Variants in CEP44 observed in about 807,000 individuals in gnomAD.
CEP44 encodes the protein centrosomal protein of 44 kDa.
In CEP44, 45 loss-of-function variants were observed where a neutral mutation model predicts 46.7. The observed-to-expected ratio is 0.96, with a 90% confidence interval of 0.76 to 1.24. The LOEUF is 1.24. Among genes scored for constraint, CEP44 ranks in the 50% most tolerant of loss-of-function variants. CEP44 has a pLI of 0.00. For missense variants in CEP44, 475 were observed against 459.7 expected (o/e 1.03, Z -0.30); for synonymous variants, 142 against 146.0 (o/e 0.97, Z 0.20).
At chr4:174,304,020 C>A (rs368145251) in intron 5 of CEP44, among the ~76,000 whole-genome samples, 171 bp downstream of exon 5, 6 of 152,122 alleles carry the variant, frequency 3.9e-5, no homozygotes, top group African/African-American at 1.4e-4. Context: ...AAATACTACT[C>A]TCTTGTTTTA....
At chr4:174,299,011 G>T in intron 2 of CEP44, 61 bp from the exon 3 acceptor site, 1 of 923,634 alleles carries the variant, frequency 1.1e-6, no homozygotes, top group Non-Finnish European at 1.6e-6. Flanking sequence ...GACCAAAATA[G>T]AATCAAGAAG....
At chr4:174,308,377 C>A (rs1159923587) in intron 6 of CEP44, among the ~76,000 whole-genome samples, 4 of 152,088 alleles carry the variant, frequency 2.6e-5, no homozygotes, top group African/African-American at 7.2e-5. Context: ...AATGCAGAAA[C>A]AGAAAACCAA....
chr4:174,317,376 A>G lies in CEP44; in HGVS notation c.1166A>G (p.Tyr389Cys), dbSNP rs755965843. The G allele has an allele frequency of 1.4e-6, 2 of 1,420,608 alleles. No individual in the cohort carries two copies. The highest frequency in any genetic ancestry group is 1.8e-5 in the South Asian group (1 of 54,934). 88.0% of individuals were successfully genotyped at this position (1,420,608 alleles called of 1,614,324 possible). A position where few individuals can be genotyped will look rare whatever the true frequency, so the allele number is the denominator to read the frequency against. The change falls in exon 12 of 12, where the codon TAC (tyrosine) becomes TGC (cysteine). Residue 389 changes from tyrosine to cysteine, a missense_variant. Coordinates refer to ENST00000503780, the MANE Select transcript of CEP44 (RefSeq NM_001040157.3). The stretch of plus-strand genomic sequence containing the variant: ...GAGTTACTGAAATGTCCAAATCACT[A>G]CTTGTAGGATTTTCTACATGAACTT... ...TAELLKCPNHYL is the reference protein window; with the variant it reads ...TAELLKCPNHCL
intron 6 of CEP44, among the ~76,000 whole-genome samples, chr4:174,306,285 T>C (rs2126613003): frequency 6.6e-6 from 1 of 152,266 alleles, no homozygotes; most frequent in African/African-American, 2.4e-5. Context: ...GTCTAATAAA[T>C]TGCAGTTTGT....
intron 1 of CEP44, among the ~76,000 whole-genome samples, chr4:174,294,751 G>A (rs1738683742): frequency 1.4e-5 from 2 of 142,516 alleles, no homozygotes; most frequent in African/African-American, 5.0e-5. Flanking sequence ...CTGCTGGGCG[G>A]GGGGCTGACC....
chr4:174,286,581 T>G lies in CEP44; in HGVS notation c.-148+2638T>G, dbSNP rs1382964106. ...TTATGTAAGTTATTGAGTTTCACGT[T>G]ACTGGCTGACTAGACTTTTATAGTT... On this transcript the variant is annotated intron_variant, in intron 1 of 11. Coordinates refer to ENST00000503780, the MANE Select transcript of CEP44 (RefSeq NM_001040157.3). This position sits in a 1 kb window ranked among gnomAD's most constrained non-coding sequence, Gnocchi z 5.2. Among the ~76,000 whole-genome samples the G allele has an allele frequency of 6.6e-6, 1 of 152,224 alleles. No individual in the cohort carries two copies. The highest frequency in any genetic ancestry group is 2.4e-5 in the African/African-American group (1 of 41,462).
rs893098543 is a variant in CEP44, at chr4:174,320,125, A to G, written c.*2742A>G. ...CTGAATAGGTCTCGGTAAAGATTATATGGAAATACTATAAAGAATACATAA... is the reference window on the plus strand; with the variant it reads ...CTGAATAGGTCTCGGTAAAGATTATGTGGAAATACTATAAAGAATACATAA... On this transcript the variant is annotated 3_prime_UTR_variant, in exon 12 of 12. Coordinates refer to ENST00000503780, the MANE Select transcript of CEP44 (RefSeq NM_001040157.3). 2.0e-6 allele frequency: 2 copies of G among 985,310 alleles called. No individual in the cohort carries two copies. The allele number at this position is 985,310 out of a possible 1,614,324, so 61.0% of individuals were successfully genotyped here.
Position 174,331,846 on chromosome 4 carries a change from T to C in CEP44, c.*251T>C, listed in dbSNP as rs1731336505. The stretch of plus-strand genomic sequence containing the variant: ...GATAGCCCCTCACTCATATTTTTCA[T>C]GTGGGTTTATAGCTTTCATATTTCT... On this transcript the variant is annotated 3_prime_UTR_variant, in exon 9 of 9. Transcript: ENST00000426172. This position sits in a 1 kb window ranked among gnomAD's most constrained non-coding sequence, Gnocchi z 4.5. 1 of 402,108 alleles carries C rather than the reference T, an allele frequency of 2.5e-6. No individual in the cohort carries two copies. The allele number at this position is 402,108 out of a possible 1,614,324, so 24.9% of individuals were successfully genotyped here.
chr4:174,316,387 C>T lies in CEP44; in HGVS notation c.1086+97C>T, dbSNP rs377569081. ...TTGCTAGCAAGAAAAATAGCAAACG[C>T]GAATCTTAGTCTCTCAAAATTCTTT... On this transcript the variant is annotated intron_variant, in intron 10 of 11. Coordinates refer to ENST00000503780, the MANE Select transcript of CEP44 (RefSeq NM_001040157.3). 28 of 1,398,150 alleles carry T rather than the reference C, an allele frequency of 2.0e-5. No individual in the cohort carries two copies. The African/African-American group carries it at 2.0e-4, about 10-fold the overall frequency. The allele number at this position is 1,398,150 out of a possible 1,614,324, so 86.6% of individuals were successfully genotyped here.
chr4:174,307,808 T>A (rs1740604919), intron 6 of CEP44, among the ~76,000 whole-genome samples: 1 of 152,056 alleles, frequency 6.6e-6, no homozygotes, highest in African/African-American at 2.4e-5. Context: ...GATATGAACA[T>A]CTACTTCTGA....
In CEP44 at chr4:174,299,154, G is replaced by A; in HGVS notation, c.33G>A (p.Arg11=). The change falls in exon 3 of 12, where the codon CGG becomes CGA. Residue 11 remains arginine (R), a synonymous_variant. Transcript: ENST00000503780. ...CAGGTGACTTAAAAAGAAGCTTACGGAACCTAGAACAGGTGCTCCGCTTGC... is the reference window on the plus strand; with the variant it reads ...CAGGTGACTTAAAAAGAAGCTTACGAAACCTAGAACAGGTGCTCCGCTTGC... MATGDLKRSL[R]NLEQVLRLLN... 3 of 1,613,656 alleles carry A rather than the reference G, an allele frequency of 1.9e-6. No homozygotes were observed. Among genetic ancestry groups the A allele is most frequent in the Non-Finnish European group, 2.5e-6 (3 of 1,179,670 alleles).
Position 174,286,045 on chromosome 4 carries a change from T to C in CEP44, c.-148+2102T>C, listed in dbSNP as rs1267283918. ...ATCTCTGTCTAGAAATGTAAATGTTTAGTTGAAGTAATTTATTGGCTGAAA... is the reference window on the plus strand; with the variant it reads ...ATCTCTGTCTAGAAATGTAAATGTTCAGTTGAAGTAATTTATTGGCTGAAA... On this transcript the variant is annotated intron_variant, in intron 1 of 11. Transcript: ENST00000503780. This position sits in a 1 kb window ranked among gnomAD's most constrained non-coding sequence, Gnocchi z 5.2. Among the ~76,000 whole-genome samples, 2 of 152,258 alleles carry C rather than the reference T, an allele frequency of 1.3e-5. No individual in the cohort carries two copies. Among genetic ancestry groups the C allele is most frequent in the Non-Finnish European group, 2.9e-5 (2 of 68,044 alleles).
downstream of CEP44, chr4:174,320,431 A>C: frequency 2.0e-6 from 1 of 494,110 alleles, no homozygotes; most frequent in African/African-American, 4.6e-5. Context: ...ATAAACTACA[A>C]CACTTTTTGA....
chr4:174,310,099 C>CA lies in CEP44; in HGVS notation c.885+46dup, dbSNP rs1168523878. On this transcript the variant is annotated intron_variant, in intron 8 of 11. Transcript: ENST00000503780. The surrounding 1 kb of genome is among the most constrained non-coding windows in gnomAD (Gnocchi z 4.2). ...CATTTATAAAATATCTCAGATATAA[C>CA]AAAGTTTTTTTTTGATTGTTATATG... The CA allele has an allele frequency of 6.5e-7, 1 of 1,549,430 alleles. No individual in the cohort carries two copies. Among genetic ancestry groups the CA allele is most frequent in the Admixed American group, 2.0e-5 (1 of 49,642 alleles).
chr4:174,305,290 C>A (rs1295581934), intron 6 of CEP44, among the ~76,000 whole-genome samples: 1 of 152,084 alleles, frequency 6.6e-6, no homozygotes, highest in African/African-American at 2.4e-5. Flanking sequence ...CCCATTTCTA[C>A]TAAAAATACA....
intron 1 of CEP44, among the ~76,000 whole-genome samples, chr4:174,296,465 C>T (rs1304302729): frequency 3.9e-5 from 6 of 152,174 alleles, no homozygotes; most frequent in African/African-American, 1.4e-4. Context: ...GTCTTTTCAT[C>T]CATTGTGTAA....
chr4:174,298,328 A>C (rs1000910728), intron 2 of CEP44, among the ~76,000 whole-genome samples: 3 of 151,068 alleles, frequency 2.0e-5, no homozygotes, highest in African/African-American at 7.3e-5. Context: ...GGCGCCTGCC[A>C]CTACGCCCGG....
intron 6 of CEP44, among the ~76,000 whole-genome samples, chr4:174,308,357 T>G (rs1740679957): frequency 6.6e-6 from 1 of 152,148 alleles, no homozygotes. Context: ...GCCCTTATCC[T>G]TAGCATATTA....
At chr4:174,330,274 A>G (rs1468432090) in intron 8 of CEP44, among the ~76,000 whole-genome samples, 1 of 152,144 alleles carries the variant, frequency 6.6e-6, no homozygotes, top group Admixed American at 6.6e-5. Context: ...GGATCACCCG[A>G]GCTCAGGAGT....
Sources: allele counts gnomAD v4.1 joint callset (sites outside exome capture counted in the v4.1 genomes callset), GRCh38; gene constraint gnomAD v4.1.1; non-coding constraint Gnocchi (gnomAD v3.1); transcripts MANE v1.5; gene names NCBI Gene and HGNC (gene_info 2026-07-23, HGNC 2026-07-21).